The following HOGA1 variants were observed in gnomAD, a reference collection of about 807,000 sequenced individuals.
HOGA1 encodes 4-hydroxy-2-oxoglutarate aldolase, mitochondrial.
Under a neutral mutation model 34.3 loss-of-function variants are expected in HOGA1, and 30 were observed. The ratio of observed to expected loss-of-function variants is 0.87; its 90% CI spans 0.65 to 1.19. The LOEUF is 1.19. Ranked by LOEUF, HOGA1 falls within the 50% of genes most tolerant of loss-of-function variation. The probability of loss-of-function intolerance (pLI) is 0.00; values close to 1 mark genes in which losing one functional copy is unlikely to be tolerated. For missense variants in HOGA1, 417 were observed against 436.5 expected, an observed-to-expected ratio of 0.96 and a Z score of 0.40; for synonymous variants, 161 against 174.0, an observed-to-expected ratio of 0.93 and a Z score of 0.59.
intron 1 of HOGA1, among the ~76,000 whole-genome samples, chr10:97,595,975 C>A (rs975144627): frequency 2.0e-5 from 3 of 152,218 alleles, no homozygotes; most frequent in Non-Finnish European, 2.9e-5. Context: ...TCACAGATTT[C>A]TGGGACATTT....
chr10:97,587,549 C>T (rs1321694093), intron 1 of HOGA1, among the ~76,000 whole-genome samples: 2 of 152,114 alleles, frequency 1.3e-5, no homozygotes, highest in African/African-American at 4.8e-5. Flanking sequence ...TGCTCTGTCG[C>T]TCAGGCTGGA....
At chr10:97,593,213 C>A (rs1363543463) in intron 1 of HOGA1, among the ~76,000 whole-genome samples, 1 of 151,218 alleles carries the variant, frequency 6.6e-6, no homozygotes, top group Admixed American at 6.6e-5. Context: ...CGGCGGCTCA[C>A]GCCTGTAATC....
Position 97,585,236 on chromosome 10 carries a change from C to T in HOGA1, c.211+322C>T, listed in dbSNP as rs145064884. On this transcript the variant is annotated intron_variant, in intron 1 of 6. Coordinates refer to ENST00000370646, the MANE Select transcript of HOGA1 (RefSeq NM_138413.4). ...GCGTGAAAGTCCTTGTCAACCTTGT[C>T]ACTTGGTGCAGATGTGAAGGCATGT... Among the ~76,000 whole-genome samples, 562 of 152,280 alleles carry T rather than the reference C, an allele frequency of 3.7e-3. 3 individuals carry two copies. Among genetic ancestry groups the T allele is most frequent in the Non-Finnish European group, 4.8e-3 (327 of 68,012 alleles).
chr10:97,606,231 G>T (rs1418768403), intron 6 of HOGA1, among the ~76,000 whole-genome samples: 1 of 151,710 alleles, frequency 6.6e-6, no homozygotes, highest in African/African-American at 2.4e-5. Flanking sequence ...AACTCGGAGG[G>T]CAGAGGTTGC....
chr10:97,601,958 C>T lies in HOGA1; in HGVS notation c.802C>T (p.Leu268=), dbSNP rs201910899. The change falls in exon 6 of 7, where the codon CTG becomes TTG. Residue 268 remains leucine, a synonymous_variant. Transcript: ENST00000370646. The part of the protein sequence containing the change: ...CTGQWEDAQK[L]QHRLIEPNAA... ...GGGGCAATGGGAAGATGCCCAGAAA[C>T]TGCAGCACCGCCTCATTGAGCCAAA... The T allele has an allele frequency of 1.5e-5, 24 of 1,613,090 alleles. No homozygotes were observed. In the Admixed American group the frequency reaches 3.7e-4, roughly 25 times the overall value.
chr10:97,609,671 C>A (rs1031713790), intron 6 of HOGA1, among the ~76,000 whole-genome samples: 2 of 152,204 alleles, frequency 1.3e-5, no homozygotes, highest in African/African-American at 4.8e-5. Flanking sequence ...TTTCTACAGT[C>A]TTTGCCACCA....
chr10:97,590,933 C>CA lies in HOGA1; in HGVS notation c.211+6020dup, dbSNP rs1022576690. ...GAGCCAATAAAGCTTTGTGTGCCTT[C>CA]ACTCTGAGTCCAGGGGCTCTGTGGG... On this transcript the variant is annotated intron_variant, in intron 1 of 6. Coordinates refer to ENST00000370646, the MANE Select transcript of HOGA1 (RefSeq NM_138413.4). The CA allele has an allele frequency of 3.2e-4, 81 of 256,906 alleles. 1 individual carries two copies. In the Middle Eastern group the frequency reaches 0.016, roughly 51 times the overall value. The allele number at this position is 256,906 out of a possible 1,614,324, so 15.9% of individuals were successfully genotyped here. A position where few individuals can be genotyped will look rare whatever the true frequency, so the allele number is the denominator to read the frequency against.
At chr10:97,601,771 C>T in intron 5 of HOGA1, 86 bp from the exon 6 acceptor site, 1 of 1,521,808 alleles carries the variant, frequency 6.6e-7, no homozygotes, top group Non-Finnish European at 9.1e-7. Flanking sequence ...TCTAATGTCC[C>T]CAGGCTGAAG....
chr10:97,607,932 A>G (rs1350440822), intron 6 of HOGA1, among the ~76,000 whole-genome samples: 1 of 152,250 alleles, frequency 6.6e-6, no homozygotes, highest in Admixed American at 6.5e-5. Context: ...ATGATTTATT[A>G]TAATTTTATT....
At position 97,609,900 on chromosome 10, in the gene HOGA1, T is replaced by C. The variant is rs114186004; in HGVS notation, c.835-1610T>C. On this transcript the variant is annotated intron_variant, in intron 6 of 6. Transcript: ENST00000370646. ...CACCCATTCCGAGAAAAAAAATCCATGCTTGATAAAGCCTCCGGGACTCTA... is the reference window on the plus strand; with the variant it reads ...CACCCATTCCGAGAAAAAAAATCCACGCTTGATAAAGCCTCCGGGACTCTA... 8.9e-3 allele frequency among the ~76,000 whole-genome samples: 1,362 copies of C among 152,294 alleles called. 25 individuals are homozygous for C. The highest frequency in any genetic ancestry group is 0.031 in the African/African-American group (1,275 of 41,562).
intron 1 of HOGA1, among the ~76,000 whole-genome samples, chr10:97,593,029 C>CAAAAAAAAAAAAAAAAAAAAA (rs1169191059): frequency 0.02 from 944 of 47,734 alleles, 98 homozygotes; most frequent in Non-Finnish European, 0.031. Flanking sequence ...GACTCTGTCT[C>CAAAAAAAAAAAAAAAAAAAAA]AAAAAAAAAA....
intron 3 of HOGA1, 140 bp downstream of exon 3, chr10:97,599,356 T>A: frequency 9.7e-7 from 1 of 1,029,558 alleles, no homozygotes; most frequent in Non-Finnish European, 1.5e-6. Context: ...TGCACGACAT[T>A]GGGAGGCTTA....
chr10:97,596,650 G>A (rs553975540), intron 1 of HOGA1, among the ~76,000 whole-genome samples: 4 of 150,596 alleles, frequency 2.7e-5, no homozygotes, highest in Non-Finnish European at 5.9e-5. Context: ...TCCCACAGGA[G>A]CGAGAAGCTG....
intron 1 of HOGA1, among the ~76,000 whole-genome samples, chr10:97,588,127 T>C (rs2040985200): frequency 6.6e-6 from 1 of 152,038 alleles, no homozygotes; most frequent in African/African-American, 2.4e-5. Context: ...TAGCTCTTTT[T>C]AAAAAATCTT....
chr10:97,593,666 C>A (rs1009043218), intron 1 of HOGA1, among the ~76,000 whole-genome samples: 2 of 152,126 alleles, frequency 1.3e-5, no homozygotes, highest in African/African-American at 4.8e-5. Context: ...TCAACACACA[C>A]CTCAACACCT....
At chr10:97,595,493 C>A (rs1001148192) in intron 1 of HOGA1, among the ~76,000 whole-genome samples, 2 of 152,178 alleles carry the variant, frequency 1.3e-5, no homozygotes, top group Non-Finnish European at 2.9e-5. Flanking sequence ...GCCAGGAGTT[C>A]GAGACCAGCC....
At chr10:97,592,348 C>A (rs2041032784) in intron 1 of HOGA1, among the ~76,000 whole-genome samples, 1 of 148,902 alleles carries the variant, frequency 6.7e-6, no homozygotes, top group Admixed American at 6.9e-5. Flanking sequence ...TCATGCCATT[C>A]TCCTGCCTCA....
At chr10:97,596,828 G>C (rs1157782989) in intron 1 of HOGA1, among the ~76,000 whole-genome samples, 2 of 152,128 alleles carry the variant, frequency 1.3e-5, no homozygotes, top group Admixed American at 6.6e-5. Flanking sequence ...GAATGAAGTG[G>C]AGTCTACATC....
At chr10:97,598,634 A>G (rs899870651) in intron 1 of HOGA1, 141 bp from the exon 2 acceptor site, 2 of 1,091,616 alleles carry the variant, frequency 1.8e-6, no homozygotes, top group African/African-American at 1.5e-5. Flanking sequence ...GTGAACAGTC[A>G]TTGCAGCTGT....
Sources: gnomAD v4.1 joint callset for allele counts (sites outside exome capture counted in the v4.1 genomes callset) on GRCh38, gnomAD v4.1.1 for gene constraint, MANE v1.5 for transcripts, NCBI Gene and HGNC (gene_info 2026-07-23, HGNC 2026-07-21) for gene names.